Variants in HS1BP3 observed in about 807,000 individuals in gnomAD.
The protein encoded by HS1BP3 is HCLS1 binding protein 3.
HS1BP3 carries 32 observed loss-of-function variants against 33.5 expected under a neutral mutation model. The observed-to-expected ratio is 0.95, with a 90% CI of 0.72 to 1.28. The LOEUF is 1.28. HS1BP3 is among the 50% of genes most tolerant of loss of function. HS1BP3 has a pLI of 0.00. For missense variants in HS1BP3, 486 were observed against 502.3 expected (o/e 0.97, Z 0.31); for synonymous variants, 187 against 209.2 (o/e 0.89, Z 0.92).
intron 5 of HS1BP3, among the ~76,000 whole-genome samples, chr2:20,579,211 T>A (rs1272333120): frequency 6.6e-6 from 1 of 152,228 alleles, no homozygotes; most frequent in African/African-American, 2.4e-5. Context: ...CTGGGTTCCA[T>A]GAGCACAGGA....
chr2:20,555,192 C>A, the HS1BP3 span, among the ~76,000 whole-genome samples: 3 of 152,246 alleles, frequency 2.0e-5, no homozygotes, highest in African/African-American at 7.2e-5. Context: ...ACGCTAGGAA[C>A]TGTTCCAAAA....
At chr2:20,585,069 A>G (rs1002130446) in intron 5 of HS1BP3, among the ~76,000 whole-genome samples, 3 of 152,166 alleles carry the variant, frequency 2.0e-5, no homozygotes, top group Non-Finnish European at 4.4e-5. Flanking sequence ...CCTCCCACCA[A>G]GGACAACCTC....
chr2:20,616,604 T>C (rs1305327115), downstream of HS1BP3, among the ~76,000 whole-genome samples: 1 of 152,194 alleles, frequency 6.6e-6, no homozygotes, highest in Non-Finnish European at 1.5e-5. Flanking sequence ...ACTGGCCCGA[T>C]GACCACACTG....
downstream of HS1BP3, among the ~76,000 whole-genome samples, chr2:20,587,647 G>A (rs898477478): frequency 6.6e-6 from 1 of 152,202 alleles, no homozygotes; most frequent in Non-Finnish European, 1.5e-5. Context: ...TCGGGAGGCC[G>A]AGGCAGGAGA....
chr2:20,626,147 C>T (rs1371724420), intron 4 of HS1BP3, among the ~76,000 whole-genome samples: 1 of 152,100 alleles, frequency 6.6e-6, no homozygotes, highest in Non-Finnish European at 1.5e-5. Flanking sequence ...TACAGATTAA[C>T]CAATGGCAGA....
chr2:20,565,774 G>A (rs1173305557), intron 5 of HS1BP3, among the ~76,000 whole-genome samples: 4 of 152,234 alleles, frequency 2.6e-5, no homozygotes, highest in East Asian at 3.9e-4. Flanking sequence ...GTCAGAGCAG[G>A]GTTTTGTCAC....
At chr2:20,575,411 A>C (rs1693375240) in intron 5 of HS1BP3, among the ~76,000 whole-genome samples, 1 of 152,234 alleles carries the variant, frequency 6.6e-6, no homozygotes, top group Non-Finnish European at 1.5e-5. Context: ...TGACTCTGAC[A>C]ATCAGAAAAT....
At chr2:20,593,088 C>G (rs1693857576) in intron 3 of HS1BP3, among the ~76,000 whole-genome samples, 1 of 151,978 alleles carries the variant, frequency 6.6e-6, no homozygotes, top group Non-Finnish European at 1.5e-5. Flanking sequence ...GCCCTGTCCC[C>G]CCACTGTCCC....
chr2:20,631,401 G>C (rs184218637), intron 4 of HS1BP3, among the ~76,000 whole-genome samples: 2 of 151,822 alleles, frequency 1.3e-5, no homozygotes, highest in Non-Finnish European at 2.9e-5. Context: ...TGTAGTTCCA[G>C]CTATTTGAGA....
intron 3 of HS1BP3, among the ~76,000 whole-genome samples, chr2:20,597,635 C>T (rs979424947): frequency 4.1e-4 from 62 of 151,674 alleles, no homozygotes; most frequent in African/African-American, 1.3e-3. Context: ...TGCATGTCAA[C>T]GCTCTGGGGA....
chr2:20,594,077 C>T (rs940180429), intron 3 of HS1BP3, among the ~76,000 whole-genome samples: 10 of 152,244 alleles, frequency 6.6e-5, no homozygotes, highest in African/African-American at 9.6e-5. Context: ...ATCTGGGCAT[C>T]GACCCATCGG....
chr2:20,624,159 CTGTCATAACTGG>C, intron 5 of HS1BP3, 128 bp from the exon 6 acceptor site: 1 of 1,134,334 alleles, frequency 8.8e-7, no homozygotes, highest in Non-Finnish European at 1.2e-6. Context: ...TCTGCTCAAC[CTGTCATAACTGG>C]TGCTGCTTTG....
chr2:20,560,961 G>A (rs375213064), intron 5 of HS1BP3, among the ~76,000 whole-genome samples: 194 of 152,224 alleles, frequency 1.3e-3, no homozygotes, highest in African/African-American at 4.5e-3. Flanking sequence ...GGGGCAACAG[G>A]AGCCTCTTCA....
chr2:20,561,089 T>C (rs1358590592), intron 5 of HS1BP3, among the ~76,000 whole-genome samples: 1 of 152,186 alleles, frequency 6.6e-6, no homozygotes, highest in Non-Finnish European at 1.5e-5. Context: ...CTCTGTGCCA[T>C]CTTTCCAAAC....
chr2:20,558,513 C>T (rs889418096), downstream of HS1BP3, among the ~76,000 whole-genome samples: 1 of 152,186 alleles, frequency 6.6e-6, no homozygotes, highest in African/African-American at 2.4e-5. Context: ...GGGCAAGGAG[C>T]CCAGGGACAC....
At chr2:20,642,075 C>G (rs1356944929) in intron 2 of HS1BP3, among the ~76,000 whole-genome samples, 1 of 152,244 alleles carries the variant, frequency 6.6e-6, no homozygotes, top group African/African-American at 2.4e-5. Context: ...TATGCACACA[C>G]CATCATCCTG....
At chr2:20,644,902 A>G (rs749472566) in intron 2 of HS1BP3, among the ~76,000 whole-genome samples, 12 of 151,942 alleles carry the variant, frequency 7.9e-5, no homozygotes, top group Non-Finnish European at 1.8e-4. Context: ...ACCACACTCA[A>G]CTGTGCAGAG....
chr2:20,590,541 C>T (rs966120110), downstream of HS1BP3, among the ~76,000 whole-genome samples: 1 of 152,250 alleles, frequency 6.6e-6, no homozygotes, highest in Non-Finnish European at 1.5e-5. Context: ...GTTGCTCTGT[C>T]AACCTCATTA....
chr2:20,562,090 AG>A (rs1208024619), intron 5 of HS1BP3, among the ~76,000 whole-genome samples: 2 of 152,202 alleles, frequency 1.3e-5, no homozygotes, highest in African/African-American at 2.4e-5. Flanking sequence ...CACCCGGACA[AG>A]GCATGGAGGC....
Sources: allele counts gnomAD v4.1 joint callset (sites outside exome capture counted in the v4.1 genomes callset), GRCh38; gene constraint gnomAD v4.1.1; transcripts MANE v1.5; gene names NCBI Gene and HGNC (gene_info 2026-07-23, HGNC 2026-07-21).